The following DLGAP2 variants were observed in gnomAD, a reference collection of about 807,000 sequenced individuals.
DLGAP2 encodes disks large-associated protein 2.
In DLGAP2, 26 loss-of-function variants were observed where a neutral mutation model predicts 100.3. The ratio of observed to expected loss-of-function variants is 0.26; its 90% confidence interval spans 0.19 to 0.36. The LOEUF (loss-of-function observed/expected upper bound fraction) is 0.36, where lower values mean the gene tolerates loss of function less well. Among genes scored for constraint, DLGAP2 ranks in the 10% least tolerant of loss-of-function variants. The pLI is 1.00. For synonymous variants in DLGAP2, 886 were observed against 630.1 expected (o/e 1.41, Z -6.08); for missense variants, 1,858 against 1,453.2 (o/e 1.28, Z -4.53).
intron 3 of DLGAP2, among the ~76,000 whole-genome samples, chr8:1,347,079 AT>A (rs1801579012): frequency 6.7e-6 from 1 of 149,650 alleles, no homozygotes; most frequent in Non-Finnish European, 1.5e-5. Flanking sequence ...ACAGAGCTGA[AT>A]TGCACTCATT....
chr8:1,496,792 G>A lies in DLGAP2; in HGVS notation c.107-4574G>A, dbSNP rs190385004. The stretch of plus-strand genomic sequence containing the variant: ...CTCTCCAGGCGGCACCCGAGGCACC[G>A]CACACGCCATCCGCACGTTCGCTGC... On this transcript the variant is annotated intron_variant, in intron 3 of 14. Coordinates refer to ENST00000637795, the MANE Select transcript of DLGAP2 (RefSeq NM_001346810.2). Among the ~76,000 whole-genome samples the A allele has an allele frequency of 2.5e-3, 379 of 152,230 alleles. 1 individual carries two copies. The highest frequency in any genetic ancestry group is 2.6e-3 in the Non-Finnish European group (177 of 68,020).
At chr8:1,654,617 C>T (rs10448095) in intron 8 of DLGAP2, among the ~76,000 whole-genome samples, 47,376 of 149,368 alleles carry the variant, frequency 0.32, 7,702 homozygotes, top group East Asian at 0.48. Context: ...GCTGCGATCA[C>T]GCCATTGCAC....
chr8:1,667,483 T>C (rs564196537), intron 8 of DLGAP2, among the ~76,000 whole-genome samples: 8 of 152,262 alleles, frequency 5.3e-5, no homozygotes, highest in Admixed American at 2.0e-4. Flanking sequence ...TCCGGTGGTC[T>C]TCCTACAACT....
At chr8:1,430,421 C>G (rs1797391857) in intron 3 of DLGAP2, among the ~76,000 whole-genome samples, 1 of 152,154 alleles carries the variant, frequency 6.6e-6, no homozygotes, top group African/African-American at 2.4e-5. Context: ...GATGTTTCTT[C>G]AAGGTCGGTT....
At chr8:777,316 T>C (rs1373746021) in intron 1 of DLGAP2, among the ~76,000 whole-genome samples, 6 of 151,830 alleles carry the variant, frequency 4.0e-5, no homozygotes, top group Admixed American at 1.3e-4. Flanking sequence ...TTTGCCAGTC[T>C]GTGTCTTTTA....
At chr8:1,100,651 G>T (rs763774408) in intron 2 of DLGAP2, among the ~76,000 whole-genome samples, 2 of 152,180 alleles carry the variant, frequency 1.3e-5, no homozygotes, top group African/African-American at 4.8e-5. Context: ...TATTTCAGAG[G>T]ATAATTGTCA....
At chr8:1,315,811 C>G (rs1415904355) in intron 3 of DLGAP2, among the ~76,000 whole-genome samples, 1 of 70,350 alleles carries the variant, frequency 1.4e-5, no homozygotes, top group East Asian at 3.4e-4. Context: ...CAACAGTGGT[C>G]TACACTCGAG....
intron 3 of DLGAP2, among the ~76,000 whole-genome samples, chr8:1,468,886 C>T (rs1798704376): frequency 6.6e-6 from 1 of 152,160 alleles, no homozygotes; most frequent in African/African-American, 2.4e-5. Flanking sequence ...GACTCTCTTC[C>T]CGTGTCCATC....
At chr8:1,655,160 G>T (rs1798255607) in intron 8 of DLGAP2, among the ~76,000 whole-genome samples, 2 of 152,222 alleles carry the variant, frequency 1.3e-5, no homozygotes, top group Non-Finnish European at 2.9e-5. Context: ...ATAATTTCTT[G>T]TAACTTCAGG....
At chr8:1,481,465 C>CTTTTTCTT (rs1293431169) in intron 3 of DLGAP2, among the ~76,000 whole-genome samples, 12 of 81,674 alleles carry the variant, frequency 1.5e-4, no homozygotes, top group African/African-American at 5.3e-4. Flanking sequence ...TTTTCTTTTT[C>CTTTTTCTT]TTTTTCTTTT....
intron 2 of DLGAP2, among the ~76,000 whole-genome samples, chr8:1,190,129 T>C (rs1245136147): frequency 6.6e-6 from 1 of 152,192 alleles, no homozygotes; most frequent in East Asian, 1.9e-4. Context: ...ACAACTGCAC[T>C]TTGTAGGGCC....
chr8:1,589,692 C>T (rs759749268), intron 6 of DLGAP2, among the ~76,000 whole-genome samples: 1 of 152,184 alleles, frequency 6.6e-6, no homozygotes, highest in Non-Finnish European at 1.5e-5. Context: ...AAGCAATCCA[C>T]CCGCCCAAGG....
intron 5 of DLGAP2, among the ~76,000 whole-genome samples, chr8:1,550,263 G>A (rs527568188): frequency 1.1e-4 from 16 of 152,132 alleles, no homozygotes; most frequent in African/African-American, 3.9e-4. Flanking sequence ...ATCATTTGCC[G>A]GGAGACTCGA....
At chr8:1,266,906 C>G (rs756969272) in intron 3 of DLGAP2, among the ~76,000 whole-genome samples, 4 of 151,932 alleles carry the variant, frequency 2.6e-5, no homozygotes, top group Non-Finnish European at 4.4e-5. Context: ...GATGCACACT[C>G]AGTGGGGAGA....
At chr8:1,302,993 G>A (rs1425929296) in intron 3 of DLGAP2, among the ~76,000 whole-genome samples, 9 of 152,252 alleles carry the variant, frequency 5.9e-5, no homozygotes, top group Admixed American at 5.9e-4. Flanking sequence ...TTAGCTGTCG[G>A]CTGCAGGCTG....
At chr8:982,194 T>C (rs1285272937) in intron 2 of DLGAP2, among the ~76,000 whole-genome samples, 1 of 152,230 alleles carries the variant, frequency 6.6e-6, no homozygotes, top group Non-Finnish European at 1.5e-5. Flanking sequence ...CTGCATTTCT[T>C]CATCTACGGA....
intron 1 of DLGAP2, among the ~76,000 whole-genome samples, chr8:802,439 G>A (rs1796189022): frequency 6.6e-6 from 1 of 152,230 alleles, no homozygotes; most frequent in Admixed American, 6.5e-5. Context: ...CCACCCTGGG[G>A]TGGCCTCAGC....
At chr8:1,645,621 C>G (rs1042125365) in intron 8 of DLGAP2, among the ~76,000 whole-genome samples, 6 of 152,116 alleles carry the variant, frequency 3.9e-5, no homozygotes, top group African/African-American at 1.4e-4. Flanking sequence ...TCATGAAGTC[C>G]TATAGATACA....
intron 3 of DLGAP2, among the ~76,000 whole-genome samples, chr8:1,377,458 G>A (rs1216090420): frequency 2.0e-5 from 3 of 152,224 alleles, no homozygotes; most frequent in African/African-American, 7.2e-5. Flanking sequence ...ACAGGATAAT[G>A]GTGTGAACCT....
Sources: allele counts gnomAD v4.1 joint callset (sites outside exome capture counted in the v4.1 genomes callset), GRCh38; gene constraint gnomAD v4.1.1; transcripts MANE v1.5; gene names NCBI Gene and HGNC (gene_info 2026-07-23, HGNC 2026-07-21).